Variants in HMGN3 observed in about 807,000 individuals in gnomAD.
HMGN3 encodes high mobility group nucleosome-binding domain-containing protein 3.
In HMGN3, 6 loss-of-function variants were observed where a neutral mutation model predicts 18.8. That is an observed-to-expected ratio of 0.32 (90% CI 0.18 to 0.63). HMGN3 has a LOEUF of 0.63. Among genes scored for constraint, HMGN3 ranks in the 30% least tolerant of loss-of-function variants. HMGN3 has a pLI of 0.79. For synonymous variants in HMGN3, 40 were observed against 36.5 expected (o/e 1.10, Z -0.35); for missense variants, 107 against 114.2 (o/e 0.94, Z 0.29).
chr6:79,209,233 G>T (rs904602482), intron 2 of HMGN3, among the ~76,000 whole-genome samples: 19 of 152,124 alleles, frequency 1.2e-4, no homozygotes, highest in Admixed American at 6.5e-4. Context: ...AAACTGTGTA[G>T]AAATTGATAT....
intron 4 of HMGN3, among the ~76,000 whole-genome samples, chr6:79,202,939 C>G (rs985058397): frequency 6.6e-6 from 1 of 152,174 alleles, no homozygotes; most frequent in African/African-American, 2.4e-5. Flanking sequence ...ACTCATGCCA[C>G]TATACACATA....
intron 2 of HMGN3, among the ~76,000 whole-genome samples, chr6:79,214,253 G>C (rs775076773): frequency 1.3e-4 from 19 of 149,246 alleles, no homozygotes; most frequent in Non-Finnish European, 7.4e-5. Flanking sequence ...CCAGGCTGGA[G>C]TGCAGTGGTG....
At chr6:79,205,039 G>A (rs894128616) in intron 3 of HMGN3, among the ~76,000 whole-genome samples, 16 of 152,310 alleles carry the variant, frequency 1.1e-4, no homozygotes, top group Non-Finnish European at 2.1e-4. Flanking sequence ...ACCAGGAAAT[G>A]AGGTTTTGTA....
chr6:79,218,839 C>T (rs927471440), intron 1 of HMGN3, among the ~76,000 whole-genome samples: 13 of 151,994 alleles, frequency 8.6e-5, no homozygotes, highest in Non-Finnish European at 1.8e-4. Flanking sequence ...AATTTTGAAG[C>T]TAATAAAAGC....
At chr6:79,202,124 G>A (rs1776166271) in intron 5 of HMGN3, 2 of 1,550,248 alleles carry the variant, frequency 1.3e-6, no homozygotes, top group Non-Finnish European at 1.7e-6. Context: ...TCTGGAGGTT[G>A]AGACATTAAC....
chr6:79,228,643 G>A (rs1294993090), intron 1 of HMGN3, among the ~76,000 whole-genome samples: 1 of 152,066 alleles, frequency 6.6e-6, no homozygotes, highest in Non-Finnish European at 1.5e-5. Flanking sequence ...AAACAATTTT[G>A]GGAAAAAATA....
intron 1 of HMGN3, among the ~76,000 whole-genome samples, chr6:79,222,280 C>A (rs773631180): frequency 3.6e-4 from 54 of 151,906 alleles, no homozygotes; most frequent in Non-Finnish European, 5.6e-4. Flanking sequence ...TTTTCAGTTA[C>A]AAACTCAAGG....
At chr6:79,210,504 T>C (rs1049319329) in intron 2 of HMGN3, among the ~76,000 whole-genome samples, 2 of 152,164 alleles carry the variant, frequency 1.3e-5, no homozygotes, top group South Asian at 2.1e-4. Flanking sequence ...CACGTCTCCA[T>C]ACCTCCTTGC....
chr6:79,218,780 T>A (rs951185965), intron 1 of HMGN3, among the ~76,000 whole-genome samples: 6 of 152,162 alleles, frequency 3.9e-5, no homozygotes, highest in Non-Finnish European at 7.4e-5. Flanking sequence ...AGATACTACA[T>A]ACGTATGTAT....
intron 4 of HMGN3, 109 bp downstream of exon 4, chr6:79,203,471 G>T: frequency 2.1e-6 from 2 of 951,722 alleles, no homozygotes; most frequent in Non-Finnish European, 3.4e-6. Flanking sequence ...AGTGGTAATG[G>T]TTTCAGTTTG....
intron 1 of HMGN3, among the ~76,000 whole-genome samples, chr6:79,224,247 A>C (rs1218090406): frequency 1.3e-5 from 2 of 152,194 alleles, no homozygotes; most frequent in Non-Finnish European, 2.9e-5. Flanking sequence ...CTCAAAGTTC[A>C]TACTCTTATC....
At chr6:79,205,638 T>C (rs1044768333) in intron 3 of HMGN3, among the ~76,000 whole-genome samples, 4 of 152,216 alleles carry the variant, frequency 2.6e-5, no homozygotes, top group Non-Finnish European at 5.9e-5. Context: ...AATGGACTAA[T>C]ACAGTAAATT....
intron 5 of HMGN3, 107 bp downstream of exon 6, chr6:79,201,956 T>C: frequency 6.9e-7 from 1 of 1,455,020 alleles, no homozygotes; most frequent in Non-Finnish European, 9.0e-7. Flanking sequence ...CACAGAAGCC[T>C]TACCTGCAAG....
Position 79,203,662 on chromosome 6 carries a change from G to GA in HMGN3, c.97-33dup, listed in dbSNP as rs67281239. Reference sequence around the variant, plus strand: ...AGATAATTTAAATTACACAAATACTGAAAAAAAAAAAAAACTATCAGCACC... The same window carrying GA: ...AGATAATTTAAATTACACAAATACTGAAAAAAAAAAAAAAACTATCAGCACC... On this transcript the variant is annotated intron_variant, in intron 3 of 5. Coordinates refer to ENST00000344726, the Ensembl canonical transcript of HMGN3. The GA allele has an allele frequency of 4.3e-3, 4,508 of 1,047,212 alleles. 1 individual carries two copies. The highest frequency in any genetic ancestry group is 9.5e-3 in the African/African-American group (579 of 61,198). The allele number at this position is 1,047,212 out of a possible 1,614,324, so 64.9% of individuals were successfully genotyped here. A position where few individuals can be genotyped will look rare whatever the true frequency, so the allele number is the denominator to read the frequency against.
chr6:79,221,246 T>C (rs1443910806), intron 1 of HMGN3, among the ~76,000 whole-genome samples: 2 of 152,212 alleles, frequency 1.3e-5, no homozygotes, highest in African/African-American at 2.4e-5. Flanking sequence ...AGACATGTAA[T>C]ATAACTGCTT....
At chr6:79,225,651 G>C (rs1361077465) in intron 1 of HMGN3, among the ~76,000 whole-genome samples, 1 of 152,166 alleles carries the variant, frequency 6.6e-6, no homozygotes, top group African/African-American at 2.4e-5. Flanking sequence ...ATGTATCATG[G>C]AAGTAGCAAA....
At chr6:79,229,275 T>A (rs1406835963) in intron 1 of HMGN3, among the ~76,000 whole-genome samples, 3 of 152,174 alleles carry the variant, frequency 2.0e-5, no homozygotes, top group African/African-American at 7.2e-5. Flanking sequence ...AGTCACAAAC[T>A]GGGAGAATAT....
chr6:79,208,370 C>G (rs75574837), intron 3 of HMGN3, among the ~76,000 whole-genome samples, 177 bp downstream of exon 3: 2,010 of 152,272 alleles, frequency 0.013, 26 homozygotes, highest in Non-Finnish European at 0.02. Context: ...CACATTTGAT[C>G]AAGTGAATTG....
chr6:79,222,766 G>A lies in HMGN3; in HGVS notation c.16-7744C>T, dbSNP rs1198358572. Among the ~76,000 whole-genome samples, 4 of 152,046 alleles carry A rather than the reference G, an allele frequency of 2.6e-5. No individual in the cohort carries two copies. The East Asian group carries it at 7.7e-4, about 29-fold the overall frequency. On this transcript the variant is annotated intron_variant, in intron 1 of 5. Transcript: ENST00000344726. ...TTATTTTCCATATCCTCCCCTGCTT[G>A]GCTTATCAATTCCAACAGGTGACTT...
Sources: gnomAD v4.1 joint callset for allele counts (sites outside exome capture counted in the v4.1 genomes callset) on GRCh38, gnomAD v4.1.1 for gene constraint, MANE v1.5 for transcripts, NCBI Gene and HGNC (gene_info 2026-07-23, HGNC 2026-07-21) for gene names.